Variants in GLS observed in about 807,000 individuals in gnomAD.
GLS encodes glutaminase.
In GLS, 36 loss-of-function variants were observed where a neutral mutation model predicts 86.7. The observed-to-expected ratio is 0.42, with a 90% CI of 0.32 to 0.55. The LOEUF (loss-of-function observed/expected upper bound fraction) is 0.55, where lower values mean the gene tolerates loss of function less well. GLS is among the 20% of genes least tolerant of loss of function. The pLI, the probability that GLS is intolerant of heterozygous loss-of-function variation, is 0.17. For synonymous variants in GLS, 317 were observed against 305.9 expected (o/e 1.04, Z -0.38); for missense variants, 528 against 833.4 (o/e 0.63, Z 4.51).
intron 1 of GLS, among the ~76,000 whole-genome samples, chr2:190,889,904 A>G (rs1688507040): frequency 6.6e-6 from 1 of 152,186 alleles, no homozygotes; most frequent in African/African-American, 2.4e-5. Flanking sequence ...CTTTGACAGG[A>G]TGCAGTTTTA....
chr2:190,881,577 GAGAA>G (rs998151568), intron 1 of GLS, 107 bp downstream of exon 1: 165 of 1,063,162 alleles, frequency 1.6e-4, no homozygotes, highest in Non-Finnish European at 1.9e-4. Context: ...GTCTAGAAAA[GAGAA>G]AGAAAGAGGT....
intron 7 of GLS, among the ~76,000 whole-genome samples, chr2:190,918,757 T>C (rs992196493): frequency 2.8e-4 from 43 of 152,158 alleles, no homozygotes; most frequent in African/African-American, 1.0e-3. Flanking sequence ...GTGAGAGATA[T>C]ACAACTCTTC....
intron 14 of GLS, among the ~76,000 whole-genome samples, chr2:190,952,021 A>G (rs576849436): frequency 3.3e-5 from 5 of 152,358 alleles, no homozygotes; most frequent in Admixed American, 2.6e-4. Context: ...CCTGGCCAAC[A>G]TAGTGAGACC....
In GLS at chr2:190,880,989, T is replaced by C. The variant is rs902787105; in HGVS notation, c.-96T>C. 2.2e-6 allele frequency: 3 copies of C among 1,368,712 alleles called. No individual in the cohort carries two copies. Among genetic ancestry groups the C allele is most frequent in the Non-Finnish European group, 3.0e-6 (3 of 1,005,326 alleles). The allele number at this position is 1,368,712 out of a possible 1,614,324, so 84.8% of individuals were successfully genotyped here. On this transcript the variant is annotated 5_prime_UTR_variant, in exon 1 of 18. Transcript: ENST00000320717. ...AGCTGCCCTTTCCTCTTCTGTCATC[T>C]CACCGCCCCACCACAGACCGCGTTC...
Position 190,931,748 on chromosome 2 carries a change from A to G in GLS, c.1650+111A>G, listed in dbSNP as rs1024042439. On this transcript the variant is annotated intron_variant, in intron 14 of 17. Coordinates refer to ENST00000320717, the MANE Select transcript of GLS (RefSeq NM_014905.5). ...TTGTTAGTGGCCTCGGGTCTTTGCT[A>G]ATCATAAATGAGTGTAAACAAATTG... 10 of 550,542 alleles carry G rather than the reference A, an allele frequency of 1.8e-5. No homozygotes were observed. The East Asian group carries it at 3.0e-4, about 16-fold the overall frequency. 34.1% of individuals were successfully genotyped at this position (550,542 alleles called of 1,614,324 possible).
chr2:190,930,323 G>T lies in GLS; in HGVS notation c.1426-114G>T. ...TCTGCTTGCCTTGGCCTCCCAAAGT[G>T]CTGAGATTACAGGAGTGAGCCATGG... On this transcript the variant is annotated intron_variant, in intron 12 of 17. Transcript: ENST00000320717. The surrounding 1 kb of genome is among the most constrained non-coding windows in gnomAD (Gnocchi z 5.0). 1.3e-6 allele frequency: 1 copy of T among 753,444 alleles called. No individual in the cohort carries two copies. Among genetic ancestry groups the T allele is most frequent in the Non-Finnish European group, 2.2e-6 (1 of 447,040 alleles). 46.7% of individuals were successfully genotyped at this position (753,444 alleles called of 1,614,324 possible).
At position 190,949,625 on chromosome 2, in the gene GLS, G is replaced by A. The variant is rs966975064; in HGVS notation, c.1651-3940G>A. On this transcript the variant is annotated intron_variant, in intron 14 of 17. Transcript: ENST00000320717. The surrounding 1 kb of genome is among the most constrained non-coding windows in gnomAD (Gnocchi z 4.0). The stretch of plus-strand genomic sequence containing the variant: ...GGAGAATCACTTGAACCCGAGAGGC[G>A]AAGGTTGTATGAGCCGAGATCTTGC... Among the ~76,000 whole-genome samples, 12 of 152,054 alleles carry A rather than the reference G, an allele frequency of 7.9e-5. No individual in the cohort carries two copies. The highest frequency in any genetic ancestry group is 2.9e-4 in the African/African-American group (12 of 41,370).
rs1026766071 is a variant in GLS at position 190,897,871 on chromosome 2, T to C, written c.605+2146T>C. Among the ~76,000 whole-genome samples the C allele has an allele frequency of 3.3e-5, 5 of 152,174 alleles. No individual in the cohort carries two copies. The highest frequency in any genetic ancestry group is 7.4e-5 in the Non-Finnish European group (5 of 68,020). On this transcript the variant is annotated intron_variant, in intron 3 of 17. Transcript: ENST00000320717. The surrounding 1 kb of genome is among the most constrained non-coding windows in gnomAD (Gnocchi z 4.3). ...CATTGTAGATTAATATTTTTAGACTTTTTCGGTAATCTGAGAAAACTATTA... is the reference window on the plus strand; with the variant it reads ...CATTGTAGATTAATATTTTTAGACTCTTTCGGTAATCTGAGAAAACTATTA...
At position 190,953,962 on chromosome 2, in the gene GLS, G is replaced by C. The variant is rs1690790840; in HGVS notation, c.1712+336G>C. Among the ~76,000 whole-genome samples, 1 of 144,076 alleles carries C rather than the reference G, an allele frequency of 6.9e-6. No individual in the cohort carries two copies. Among genetic ancestry groups the C allele is most frequent in the African/African-American group, 2.9e-5 (1 of 35,040 alleles). The allele number at this position is 144,076 out of a possible 152,430, so 94.5% of individuals were successfully genotyped here. ...CCCAATCTTTGATATGTGTGTGTGT[G>C]TGTGTGTGTGTGTGTGTGTGTGTGT... On this transcript the variant is annotated intron_variant, in intron 15 of 17. Transcript: ENST00000320717. This position sits in a 1 kb window ranked among gnomAD's most constrained non-coding sequence, Gnocchi z 4.0.
At position 190,956,729 on chromosome 2, in the gene GLS, C is replaced by G. The variant is rs748983473; in HGVS notation, c.1853+1911C>G. ...TTTTCATGATATTGATTCTTTCTAGCCACGAGCATGGAATGTTTTTCCATT... is the reference window on the plus strand; with the variant it reads ...TTTTCATGATATTGATTCTTTCTAGGCACGAGCATGGAATGTTTTTCCATT... On this transcript the variant is annotated intron_variant, in intron 17 of 17. Coordinates refer to ENST00000320717, the MANE Select transcript of GLS (RefSeq NM_014905.5). The surrounding 1 kb of genome is among the most constrained non-coding windows in gnomAD (Gnocchi z 4.2). Among the ~76,000 whole-genome samples the G allele has an allele frequency of 2.0e-5, 3 of 152,130 alleles. No individual in the cohort carries two copies. The highest frequency in any genetic ancestry group is 6.6e-5 in the Admixed American group (1 of 15,266).
Position 190,935,206 on chromosome 2 carries a change from A to G in GLS, c.1650+3569A>G, listed in dbSNP as rs1690236188. 1.2e-6 allele frequency: 1 copy of G among 864,520 alleles called. No homozygotes were observed. The highest frequency in any genetic ancestry group is 5.9e-4 in the Middle Eastern group (1 of 1,684). 53.6% of individuals were successfully genotyped at this position (864,520 alleles called of 1,614,324 possible). Reference sequence around the variant, plus strand: ...AAAACATTTGTGTTGTTTAGCTTTCATTTGCTTTGTATATTTAATAATGTA... The same window carrying G: ...AAAACATTTGTGTTGTTTAGCTTTCGTTTGCTTTGTATATTTAATAATGTA... On this transcript the variant is annotated intron_variant, in intron 14 of 17. Coordinates refer to ENST00000320717, the MANE Select transcript of GLS (RefSeq NM_014905.5). The surrounding 1 kb of genome is among the most constrained non-coding windows in gnomAD (Gnocchi z 4.2).
intron 17 of GLS, among the ~76,000 whole-genome samples, chr2:190,959,765 C>T (rs569891829): frequency 2.0e-5 from 3 of 152,176 alleles, no homozygotes; most frequent in Non-Finnish European, 4.4e-5. Context: ...TATCAGCATA[C>T]AAACTTGCTC....
chr2:190,906,206 A>G (rs1689130775), intron 6 of GLS, among the ~76,000 whole-genome samples: 1 of 152,184 alleles, frequency 6.6e-6, no homozygotes, highest in African/African-American at 2.4e-5. Context: ...TGACATCTAG[A>G]TTTAATATTG....
In GLS at chr2:190,891,098, A is replaced by T. The variant is rs181202721; in HGVS notation, c.387-4054A>T. 7.2e-5 allele frequency among the ~76,000 whole-genome samples: 11 copies of T among 152,022 alleles called. No individual in the cohort carries two copies. The East Asian group carries it at 2.1e-3, about 29-fold the overall frequency. On this transcript the variant is annotated intron_variant, in intron 1 of 17. Transcript: ENST00000320717. Reference sequence around the variant, plus strand: ...TTATAAGATTTTTGAACTGATGAAGATGAGTTTGCCTTGTTGCTCCTAATT... The same window carrying T: ...TTATAAGATTTTTGAACTGATGAAGTTGAGTTTGCCTTGTTGCTCCTAATT...
In GLS at chr2:190,943,026, C is replaced by T. The variant is rs1690486428; in HGVS notation, c.1651-10539C>T. Among the ~76,000 whole-genome samples the T allele has an allele frequency of 6.6e-6, 1 of 152,144 alleles. No homozygotes were observed. The highest frequency in any genetic ancestry group is 1.5e-5 in the Non-Finnish European group (1 of 68,030). On this transcript the variant is annotated intron_variant, in intron 14 of 17. Transcript: ENST00000320717. The surrounding 1 kb of genome is among the most constrained non-coding windows in gnomAD (Gnocchi z 4.5). ...TCTAAATCTAAAGAAAGAAGCTTTA[C>T]TGGAAACTCACCTGACGCTCATTGA...
At chr2:190,894,487 A>G (rs1009581461) in intron 1 of GLS, among the ~76,000 whole-genome samples, 2 of 152,176 alleles carry the variant, frequency 1.3e-5, no homozygotes, top group Admixed American at 6.5e-5. Context: ...ACTCTCTGCC[A>G]GACATGTTCT....
intron 14 of GLS, among the ~76,000 whole-genome samples, chr2:190,939,458 G>C (rs1322799282): frequency 2.6e-5 from 4 of 151,486 alleles, no homozygotes; most frequent in African/African-American, 9.7e-5. Flanking sequence ...TCAATATAAA[G>C]TCTGCTTGCT....
chr2:190,963,130 C>A lies in GLS; in HGVS notation c.*144C>A. ...ACTGGAGTTTTCTTCATTGTGCACA[C>A]AGGACAAATCTGATCTCTTTGGGAA... On this transcript the variant is annotated 3_prime_UTR_variant, in exon 18 of 18. Coordinates refer to ENST00000320717, the MANE Select transcript of GLS (RefSeq NM_014905.5). 1 of 562,114 alleles carries A rather than the reference C, an allele frequency of 1.8e-6. No homozygotes were observed. Among genetic ancestry groups the A allele is most frequent in the Non-Finnish European group, 3.0e-6 (1 of 328,148 alleles). 34.8% of individuals were successfully genotyped at this position (562,114 alleles called of 1,614,324 possible). A position where few individuals can be genotyped will look rare whatever the true frequency, so the allele number is the denominator to read the frequency against.
rs536306840 is a variant in GLS, at chr2:190,920,889, T to C, written c.1039-135T>C. On this transcript the variant is annotated intron_variant, in intron 7 of 17. Coordinates refer to ENST00000320717, the MANE Select transcript of GLS (RefSeq NM_014905.5). The surrounding 1 kb of genome is among the most constrained non-coding windows in gnomAD (Gnocchi z 4.2). ...AAAGTTTATATAAATGTTAAATTAC[T>C]TTAGAACTATTTCCTAGATTTAAAA... The C allele has an allele frequency of 7.1e-6, 4 of 567,180 alleles. No individual in the cohort carries two copies. The highest frequency in any genetic ancestry group is 3.7e-5 in the African/African-American group (2 of 53,424). The allele number at this position is 567,180 out of a possible 1,614,324, so 35.1% of individuals were successfully genotyped here.
Sources: gnomAD v4.1 joint callset for allele counts (sites outside exome capture counted in the v4.1 genomes callset) on GRCh38, gnomAD v4.1.1 for gene constraint, Gnocchi (gnomAD v3.1) non-coding constraint, MANE v1.5 for transcripts, NCBI Gene and HGNC (gene_info 2026-07-23, HGNC 2026-07-21) for gene names.